The following ADK variants were observed in gnomAD, a reference collection of about 807,000 sequenced individuals.
ADK encodes adenosine kinase.
Under a neutral mutation model 44.7 loss-of-function variants are expected in ADK, and 24 were observed. That is an observed-to-expected ratio of 0.54 (90% CI 0.39 to 0.76). The LOEUF (loss-of-function observed/expected upper bound fraction) is 0.76, where lower values mean the gene tolerates loss of function less well. ADK is among the 30% of genes least tolerant of loss of function. The pLI is 0.00. For synonymous variants in ADK, 128 were observed against 142.6 expected, an observed-to-expected ratio of 0.90 and a Z score of 0.73; for missense variants, 321 against 425.1, an observed-to-expected ratio of 0.76 and a Z score of 2.15.
intron 4 of ADK, among the ~76,000 whole-genome samples, chr10:74,392,614 C>G (rs1053411371): frequency 3.3e-5 from 5 of 152,098 alleles, no homozygotes; most frequent in African/African-American, 1.2e-4. Context: ...TTGATTGCCT[C>G]CTTTGCCATG....
intron 4 of ADK, among the ~76,000 whole-genome samples, chr10:74,333,586 G>A (rs1841300573): frequency 6.6e-6 from 1 of 152,188 alleles, no homozygotes; most frequent in Admixed American, 6.5e-5. Context: ...TGGGGAGTAT[G>A]AAGGGATGCC....
intron 6 of ADK, among the ~76,000 whole-genome samples, chr10:74,421,656 T>A (rs989834419): frequency 6.6e-6 from 1 of 152,142 alleles, no homozygotes; most frequent in Non-Finnish European, 1.5e-5. Context: ...GATCCAGGAC[T>A]CCTTTTAAAT....
At chr10:74,459,602 G>A (rs992378354) in intron 6 of ADK, among the ~76,000 whole-genome samples, 10 of 151,622 alleles carry the variant, frequency 6.6e-5, no homozygotes, top group Non-Finnish European at 1.5e-4. Flanking sequence ...GGTAGCACAC[G>A]CCTGTAGTCC....
chr10:74,468,604 G>C (rs1245012212), intron 6 of ADK, among the ~76,000 whole-genome samples: 1 of 152,140 alleles, frequency 6.6e-6, no homozygotes, highest in African/African-American at 2.4e-5. Context: ...CCACTAATTT[G>C]TATAATGTGC....
At chr10:74,541,888 G>A (rs1308908487) in intron 7 of ADK, among the ~76,000 whole-genome samples, 1 of 144,988 alleles carries the variant, frequency 6.9e-6, no homozygotes, top group African/African-American at 2.6e-5. Context: ...TTCGTTACTG[G>A]TAATACTAAC....
intron 6 of ADK, among the ~76,000 whole-genome samples, chr10:74,473,819 C>T (rs1846703534): frequency 6.6e-6 from 1 of 152,012 alleles, no homozygotes; most frequent in African/African-American, 2.4e-5. Flanking sequence ...TAAATCCACC[C>T]CACACTTGGG....
chr10:74,204,084 G>C (rs542728411), intron 2 of ADK, among the ~76,000 whole-genome samples: 1 of 150,984 alleles, frequency 6.6e-6, no homozygotes, highest in South Asian at 2.1e-4. Context: ...AGCCTCCTGA[G>C]TAGCTGGGAT....
chr10:74,395,648 G>T (rs1462262954), intron 5 of ADK, among the ~76,000 whole-genome samples: 1 of 152,118 alleles, frequency 6.6e-6, no homozygotes. Flanking sequence ...GTGAGAAGTA[G>T]GTCAGATTTT....
chr10:74,224,425 C>A, intron 2 of ADK, 113 bp from the exon 3 acceptor site: 1 of 808,452 alleles, frequency 1.2e-6, no homozygotes, highest in Non-Finnish European at 2.1e-6. Flanking sequence ...GGTGTTTTAT[C>A]AATTAAGTCA....
intron 6 of ADK, among the ~76,000 whole-genome samples, chr10:74,513,380 G>T (rs1310113882): frequency 6.6e-6 from 1 of 152,046 alleles, no homozygotes; most frequent in Non-Finnish European, 1.5e-5. Context: ...TTTCACTTTA[G>T]ATCTAATAAT....
chr10:74,599,465 A>G (rs762008825), intron 8 of ADK, among the ~76,000 whole-genome samples: 1 of 152,190 alleles, frequency 6.6e-6, no homozygotes, highest in African/African-American at 2.4e-5. Flanking sequence ...CCACTCAGCT[A>G]TATTTCCGCT....
rs139495548 is a variant in ADK, at chr10:74,479,322, C to G, written c.556-45934C>G. 2.3e-3 allele frequency among the ~76,000 whole-genome samples: 347 copies of G among 151,784 alleles called. 1 individual carries two copies. Among genetic ancestry groups the G allele is most frequent in the African/African-American group, 8.0e-3 (332 of 41,414 alleles). On this transcript the variant is annotated intron_variant, in intron 6 of 10. Coordinates refer to ENST00000539909, the MANE Select transcript of ADK (RefSeq NM_006721.4). Reference sequence around the variant, plus strand: ...ACATATCTTTATATTAGGATTGCAGCTTCTGTTTTCTACTATTCCCACTGG... The same window carrying G: ...ACATATCTTTATATTAGGATTGCAGGTTCTGTTTTCTACTATTCCCACTGG...
At chr10:74,442,437 G>A (rs930560578) in intron 6 of ADK, among the ~76,000 whole-genome samples, 4 of 152,162 alleles carry the variant, frequency 2.6e-5, no homozygotes, top group African/African-American at 7.2e-5. Flanking sequence ...CTTGAGGACA[G>A]GAGTTGGAGA....
intron 1 of ADK, among the ~76,000 whole-genome samples, chr10:74,180,522 C>T (rs1290206646): frequency 5.1e-5 from 7 of 138,428 alleles, no homozygotes; most frequent in Admixed American, 2.3e-4. Flanking sequence ...TGCAGTGGTG[C>T]GATCCGGCTC....
chr10:74,467,597 A>C (rs1846409514), intron 6 of ADK, among the ~76,000 whole-genome samples: 2 of 152,122 alleles, frequency 1.3e-5, no homozygotes, highest in African/African-American at 2.4e-5. Flanking sequence ...TAGTAGAATA[A>C]TATATGAAAT....
At chr10:74,682,754 A>G (rs868004310) in intron 10 of ADK, among the ~76,000 whole-genome samples, 1 of 151,790 alleles carries the variant, frequency 6.6e-6, no homozygotes, top group Non-Finnish European at 1.5e-5. Context: ...TTGTATTTTT[A>G]GTAGAGACAG....
intron 3 of ADK, among the ~76,000 whole-genome samples, chr10:74,241,945 T>C (rs1233307155): frequency 6.6e-6 from 1 of 152,220 alleles, no homozygotes; most frequent in Non-Finnish European, 1.5e-5. Flanking sequence ...TTTATGGTGG[T>C]TCTGCAAATA....
intron 3 of ADK, among the ~76,000 whole-genome samples, chr10:74,261,935 T>C (rs1376706528): frequency 6.6e-6 from 1 of 152,204 alleles, no homozygotes; most frequent in African/African-American, 2.4e-5. Flanking sequence ...TTGAAATTTC[T>C]TCTCTACTAT....
intron 6 of ADK, among the ~76,000 whole-genome samples, chr10:74,408,777 T>C (rs1341120160): frequency 1.3e-5 from 2 of 152,148 alleles, no homozygotes; most frequent in African/African-American, 2.4e-5. Context: ...TATTATTCAT[T>C]AAGTGGAAAT....
Sources: gnomAD v4.1 joint callset for allele counts (sites outside exome capture counted in the v4.1 genomes callset) on GRCh38, gnomAD v4.1.1 for gene constraint, MANE v1.5 for transcripts, NCBI Gene and HGNC (gene_info 2026-07-23, HGNC 2026-07-21) for gene names.